Variants in CUL5 observed in about 807,000 individuals in gnomAD.
CUL5 encodes the protein cullin-5.
CUL5 carries 26 observed loss-of-function variants against 108.8 expected under a neutral mutation model. That is an observed-to-expected ratio of 0.24 (90% confidence interval 0.18 to 0.33). The LOEUF (loss-of-function observed/expected upper bound fraction) is 0.33, where lower values mean the gene tolerates loss of function less well. CUL5 is among the 10% of genes least tolerant of loss of function. The pLI, the probability that CUL5 is intolerant of heterozygous loss-of-function variation, is 1.00. For synonymous variants in CUL5, 334 were observed against 298.0 expected, an observed-to-expected ratio of 1.12 and a Z score of -1.25; for missense variants, 524 against 909.2, an observed-to-expected ratio of 0.58 and a Z score of 5.45.
chr11:108,057,096 CA>C (rs1863399373), intron 7 of CUL5, among the ~76,000 whole-genome samples: 1 of 152,150 alleles, frequency 6.6e-6, no homozygotes. Flanking sequence ...TTAGTCATAT[CA>C]TAGCCACATT....
intron 1 of CUL5, among the ~76,000 whole-genome samples, chr11:108,028,948 C>T (rs542420840): frequency 6.6e-6 from 1 of 152,346 alleles, no homozygotes; most frequent in Admixed American, 6.5e-5. Context: ...CAAGATCCAG[C>T]TCAGTAAGAT....
At chr11:108,056,341 A>T (rs1427129660) in intron 7 of CUL5, among the ~76,000 whole-genome samples, 1 of 151,854 alleles carries the variant, frequency 6.6e-6, no homozygotes, top group Non-Finnish European at 1.5e-5. Flanking sequence ...TGGGATTTAA[A>T]ATTTTTTTTT....
rs564782103 is a variant in CUL5 at position 108,009,257 on chromosome 11, G to A, written c.-92G>A. On this transcript the variant is annotated 5_prime_UTR_variant, in exon 1 of 19. Coordinates refer to ENST00000393094, the MANE Select transcript of CUL5 (RefSeq NM_003478.6). The stretch of plus-strand genomic sequence containing the variant: ...ACCCTGGTGCGGGCCGACGGGCCCT[G>A]GGCCCTGGTGGGAGCTCCGGCCTCC... 2 of 1,441,382 alleles carry A rather than the reference G, an allele frequency of 1.4e-6. No individual in the cohort carries two copies. The highest frequency in any genetic ancestry group is 2.3e-5 in the East Asian group (1 of 43,572). 89.3% of individuals were successfully genotyped at this position (1,441,382 alleles called of 1,614,324 possible).
At chr11:108,100,265 C>G (rs192160640) in intron 18 of CUL5, among the ~76,000 whole-genome samples, 1 of 152,060 alleles carries the variant, frequency 6.6e-6, no homozygotes, top group Non-Finnish European at 1.5e-5. Flanking sequence ...ACTTTAGGCT[C>G]GGCGCGGTGG....
At chr11:108,013,408 CTTTGATGATTCAAATTA>C (rs916899371) in intron 1 of CUL5, among the ~76,000 whole-genome samples, 1 of 152,146 alleles carries the variant, frequency 6.6e-6, no homozygotes, top group Non-Finnish European at 1.5e-5. Context: ...GTTCAGATAC[CTTTGATGATTCAAATTA>C]TTTGAGATCT....
At chr11:108,053,894 C>T (rs1863306800) in intron 5 of CUL5, among the ~76,000 whole-genome samples, 1 of 151,700 alleles carries the variant, frequency 6.6e-6, no homozygotes, top group African/African-American at 2.4e-5. Flanking sequence ...ACTCTGTCAC[C>T]CAGGCTGAAG....
rs1864747108 is a variant in CUL5, at chr11:108,104,605, G to A, written c.*221G>A. 6 of 349,526 alleles carry A rather than the reference G, an allele frequency of 1.7e-5. No homozygotes were observed. In the East Asian group the frequency reaches 2.7e-4, roughly 16 times the overall value. The allele number at this position is 349,526 out of a possible 1,614,324, so 21.7% of individuals were successfully genotyped here. A position where few individuals can be genotyped will look rare whatever the true frequency, so the allele number is the denominator to read the frequency against. The stretch of plus-strand genomic sequence containing the variant: ...CTCTTTGACAGCATGCTGTTTTGTG[G>A]AGAAACTTGCATTCATGAAGAGCCC... On this transcript the variant is annotated 3_prime_UTR_variant, in exon 19 of 19. Coordinates refer to ENST00000393094, the MANE Select transcript of CUL5 (RefSeq NM_003478.6).
At position 108,017,069 on chromosome 11, in the gene CUL5, G is replaced by A. The variant is rs1343588874; in HGVS notation, c.24+7697G>A. On this transcript the variant is annotated intron_variant, in intron 1 of 18. Transcript: ENST00000393094. ...TGGTTTGTTCATTCCATAAAAATCT[G>A]AGCATTTATGCTGTACTGGATACCA... Among the ~76,000 whole-genome samples the A allele has an allele frequency of 5.9e-5, 9 of 152,094 alleles. No homozygotes were observed. In the South Asian group the frequency reaches 8.3e-4, roughly 14 times the overall value.
At chr11:108,096,225 C>G (rs987421984) in intron 16 of CUL5, among the ~76,000 whole-genome samples, 2 of 150,862 alleles carry the variant, frequency 1.3e-5, no homozygotes, top group African/African-American at 4.9e-5. Context: ...GGCAGTGGCT[C>G]ATGGCTGTAA....
At position 108,009,324 on chromosome 11, in the gene CUL5, C is replaced by T; in HGVS notation, c.-25C>T. 2 of 1,611,276 alleles carry T rather than the reference C, an allele frequency of 1.2e-6. No individual in the cohort carries two copies. The highest frequency in any genetic ancestry group is 1.7e-6 in the Non-Finnish European group (2 of 1,178,680). ...GGAGCGCCACGAATTCTCGCGTCGT[C>T]TCGCGAGAGTCCAAGTTAAAGAACA... is the stretch of plus-strand genomic sequence containing the variant. On this transcript the variant is annotated 5_prime_UTR_variant, in exon 1 of 19. Transcript: ENST00000393094.
At position 108,011,972 on chromosome 11, in the gene CUL5, C is replaced by T. The variant is rs114142704; in HGVS notation, c.24+2600C>T. On this transcript the variant is annotated intron_variant, in intron 1 of 18. Coordinates refer to ENST00000393094, the MANE Select transcript of CUL5 (RefSeq NM_003478.6). Reference sequence around the variant, plus strand: ...AATTTGACTCTAATAATTTTATTGTCTGTTTAAAGCAAGTGGACTATTGCT... The same window carrying T: ...AATTTGACTCTAATAATTTTATTGTTTGTTTAAAGCAAGTGGACTATTGCT... Among the ~76,000 whole-genome samples the T allele has an allele frequency of 6.9e-3, 1,054 of 152,236 alleles. 15 individuals carry two copies. Among genetic ancestry groups the T allele is most frequent in the African/African-American group, 0.024 (984 of 41,540 alleles).
chr11:108,056,712 A>T (rs1863388004), intron 7 of CUL5, among the ~76,000 whole-genome samples: 1 of 152,022 alleles, frequency 6.6e-6, no homozygotes, highest in African/African-American at 2.4e-5. Flanking sequence ...AATGGGGAGG[A>T]GCTGGGAATA....
intron 1 of CUL5, among the ~76,000 whole-genome samples, chr11:108,017,103 T>G (rs1455831844): frequency 6.6e-6 from 1 of 152,120 alleles, no homozygotes. Context: ...CATTTTAAAT[T>G]TCAGGCTGGG....
intron 13 of CUL5, among the ~76,000 whole-genome samples, chr11:108,090,416 G>C (rs1565267351): frequency 6.6e-6 from 1 of 152,106 alleles, no homozygotes; most frequent in East Asian, 1.9e-4. Flanking sequence ...CATGAACCCT[G>C]GGGGGCGGAG....
intron 1 of CUL5, among the ~76,000 whole-genome samples, chr11:108,020,836 T>C (rs1862310722): frequency 1.3e-5 from 2 of 152,372 alleles, no homozygotes; most frequent in East Asian, 3.9e-4. Flanking sequence ...CCTAAGTGTT[T>C]ATAAAGTGTA....
At chr11:108,096,415 C>G (rs570293384) in intron 16 of CUL5, among the ~76,000 whole-genome samples, 1 of 151,406 alleles carries the variant, frequency 6.6e-6, no homozygotes, top group South Asian at 2.1e-4. Context: ...TTGCTTGAGC[C>G]CAGGAGGATG....
intron 11 of CUL5, among the ~76,000 whole-genome samples, chr11:108,082,990 G>A (rs1328298707): frequency 6.6e-6 from 1 of 152,216 alleles, no homozygotes; most frequent in Non-Finnish European, 1.5e-5. Flanking sequence ...TATTGGCTCA[G>A]ATACCTTTTT....
At chr11:108,079,328 A>G (rs778384913) in intron 11 of CUL5, among the ~76,000 whole-genome samples, 6 of 151,702 alleles carry the variant, frequency 4.0e-5, no homozygotes, top group Non-Finnish European at 5.9e-5. Context: ...CTGGTCTTGA[A>G]CTCCTGACCT....
intron 13 of CUL5, among the ~76,000 whole-genome samples, chr11:108,091,720 C>CA (rs1422962008): frequency 6.6e-5 from 10 of 151,510 alleles, no homozygotes; most frequent in Non-Finnish European, 1.2e-4. Flanking sequence ...CACACACACA[C>CA]ACACACACAC....
Sources: gnomAD v4.1 joint callset for allele counts (sites outside exome capture counted in the v4.1 genomes callset) on GRCh38, gnomAD v4.1.1 for gene constraint, MANE v1.5 for transcripts, NCBI Gene and HGNC (gene_info 2026-07-23, HGNC 2026-07-21) for gene names.